Variants in SGCD observed in about 807,000 individuals in gnomAD.
SGCD encodes the protein sarcoglycan delta.
Under a neutral mutation model 36.6 loss-of-function variants are expected in SGCD, and 18 were observed. The ratio of observed to expected loss-of-function variants is 0.49; its 90% CI spans 0.34 to 0.73. The LOEUF (loss-of-function observed/expected upper bound fraction) is 0.73. SGCD is among the 30% of genes least tolerant of loss of function. SGCD has a pLI of 0.01. For synonymous variants in SGCD, 133 were observed against 130.6 expected (o/e 1.02, Z -0.12); for missense variants, 387 against 346.7 (o/e 1.12, Z -0.92).
intron 4 of SGCD, among the ~76,000 whole-genome samples, chr5:156,519,349 CAAA>C (rs1208438170): frequency 2.6e-5 from 4 of 151,432 alleles, no homozygotes; most frequent in Non-Finnish European, 4.4e-5. Context: ...AGCCTACCAA[CAAA>C]AAAACAAACA....
intron 4 of SGCD, among the ~76,000 whole-genome samples, chr5:156,511,014 G>T (rs1756902767): frequency 6.6e-6 from 1 of 152,172 alleles, no homozygotes; most frequent in Non-Finnish European, 1.5e-5. Context: ...ATACCTGCTT[G>T]TAAGCTTAAA....
At position 156,009,723 on chromosome 5, in the gene SGCD, C is replaced by A. The variant is rs1758821784; in HGVS notation, c.-281-108155C>A. Among the ~76,000 whole-genome samples the A allele has an allele frequency of 2.0e-5, 3 of 152,148 alleles. No homozygotes were observed. The South Asian group carries it at 6.2e-4, about 32-fold the overall frequency. On this transcript the variant is annotated intron_variant, in intron 1 of 9. Transcript: ENST00000517913. ...TACATAGATTTTAAAGAATTGCCAG[C>A]TTCTCCTTGGCAGGCTTTTATTACT... is the stretch of plus-strand genomic sequence containing the variant.
chr5:156,706,645 T>TA (rs940271620), intron 7 of SGCD, among the ~76,000 whole-genome samples: 4 of 152,218 alleles, frequency 2.6e-5, no homozygotes, highest in Non-Finnish European at 5.9e-5. Context: ...GGGTAGAGAA[T>TA]ATATGTTCCC....
chr5:155,729,679 C>A, the SGCD span, among the ~76,000 whole-genome samples: 3 of 152,170 alleles, frequency 2.0e-5, no homozygotes, highest in Non-Finnish European at 4.4e-5. Context: ...CCTCCCCGAG[C>A]CCCGGGCTGC....
At chr5:156,516,319 A>G (rs1234208446) in intron 4 of SGCD, among the ~76,000 whole-genome samples, 2 of 152,204 alleles carry the variant, frequency 1.3e-5, no homozygotes, top group African/African-American at 4.8e-5. Context: ...CAGAGCTCCC[A>G]GAGGAAGGAG....
intron 3 of SGCD, among the ~76,000 whole-genome samples, chr5:156,260,486 T>G (rs765849526): frequency 6.6e-6 from 1 of 152,178 alleles, no homozygotes; most frequent in Non-Finnish European, 1.5e-5. Flanking sequence ...TTTTTGATGC[T>G]ATTGTAAATG....
the SGCD span, among the ~76,000 whole-genome samples, chr5:155,738,837 G>T: frequency 2.7e-5 from 4 of 148,102 alleles, no homozygotes; most frequent in Middle Eastern, 3.5e-3. Flanking sequence ...GTGTGAGACT[G>T]TGAGAGAGTA....
intron 3 of SGCD, among the ~76,000 whole-genome samples, chr5:156,287,661 G>GTA (rs1491020473): frequency 1.4e-5 from 2 of 146,034 alleles, no homozygotes; most frequent in Non-Finnish European, 3.0e-5. Flanking sequence ...GTGTGTGTGT[G>GTA]TATGTGTGTA....
At chr5:155,978,936 A>G (rs1429920968) in intron 1 of SGCD, among the ~76,000 whole-genome samples, 8 of 152,156 alleles carry the variant, frequency 5.3e-5, no homozygotes. Context: ...GTTTTAAAAA[A>G]CTGTCCTCTC....
chr5:155,963,793 G>A (rs1757841461), intron 1 of SGCD, among the ~76,000 whole-genome samples: 1 of 151,956 alleles, frequency 6.6e-6, no homozygotes, highest in Admixed American at 6.6e-5. Flanking sequence ...AAAAATAAAA[G>A]TTTAGTGTTT....
intron 3 of SGCD, among the ~76,000 whole-genome samples, chr5:156,165,614 A>G (rs1763195020): frequency 6.6e-6 from 1 of 152,180 alleles, no homozygotes; most frequent in African/African-American, 2.4e-5. Context: ...GAACCTGCAG[A>G]TGGATGAACT....
intron 7 of SGCD, among the ~76,000 whole-genome samples, chr5:156,700,628 T>C (rs1442694137): frequency 1.3e-5 from 2 of 152,060 alleles, no homozygotes; most frequent in African/African-American, 4.8e-5. Context: ...CCATCAGTTG[T>C]AAAATATATT....
chr5:155,731,956 CTCTT>C, the SGCD span, among the ~76,000 whole-genome samples: 59 of 152,326 alleles, frequency 3.9e-4, no homozygotes, highest in African/African-American at 1.3e-3. Context: ...ACACCTCTCT[CTCTT>C]ATGCTATTCT....
intron 3 of SGCD, among the ~76,000 whole-genome samples, chr5:156,307,284 G>A (rs1462241080): frequency 6.6e-6 from 1 of 152,098 alleles, no homozygotes; most frequent in Non-Finnish European, 1.5e-5. Context: ...GGGCTCAAGT[G>A]ATCCATCCAC....
Position 156,554,312 on chromosome 5 carries a change from G to C in SGCD, c.295-34919G>C, listed in dbSNP as rs148717970. ...GAAGGTTGTAATGAGCTGAGATCAC[G>C]CCACTGCACTCCAGCCTTGGCAACA... On this transcript the variant is annotated intron_variant, in intron 4 of 8. Coordinates refer to ENST00000337851, the MANE Select transcript of SGCD (RefSeq NM_000337.6). Among the ~76,000 whole-genome samples the C allele has an allele frequency of 0.012, 1,857 of 149,638 alleles. 93 individuals are homozygous for C. The East Asian group carries it at 0.17, about 14-fold the overall frequency.
At chr5:156,387,090 G>A (rs1477946853) in intron 3 of SGCD, among the ~76,000 whole-genome samples, 2 of 152,164 alleles carry the variant, frequency 1.3e-5, no homozygotes, top group Non-Finnish European at 2.9e-5. Context: ...AGAAGGCCTT[G>A]GGGAATGAGT....
At chr5:156,693,529 C>T (rs2113711361) in intron 7 of SGCD, among the ~76,000 whole-genome samples, 1 of 152,130 alleles carries the variant, frequency 6.6e-6, no homozygotes, top group Non-Finnish European at 1.5e-5. Flanking sequence ...TGAGAAAATA[C>T]TCTTTAGGAA....
At chr5:155,908,138 C>G (rs1441291675) in intron 1 of SGCD, among the ~76,000 whole-genome samples, 1 of 152,080 alleles carries the variant, frequency 6.6e-6, no homozygotes, top group African/African-American at 2.4e-5. Context: ...TTAACATGTA[C>G]ATATATTAAG....
chr5:156,119,925 G>T (rs150533577), intron 2 of SGCD, among the ~76,000 whole-genome samples: 1 of 152,244 alleles, frequency 6.6e-6, no homozygotes, highest in East Asian at 1.9e-4. Context: ...GTTCAAGGCC[G>T]CCTGACAGGC....
Sources: gnomAD v4.1 joint callset for allele counts (sites outside exome capture counted in the v4.1 genomes callset) on GRCh38, gnomAD v4.1.1 for gene constraint, MANE v1.5 for transcripts, NCBI Gene and HGNC (gene_info 2026-07-23, HGNC 2026-07-21) for gene names.